ABCB5: variants seen among roughly 807,000 people sequenced by gnomAD.
The protein encoded by ABCB5 is ATP binding cassette subfamily B member 5, also known as ATP-binding cassette sub-family B member 5.
ABCB5 carries 155 observed loss-of-function variants against 144.2 expected under a neutral mutation model. The ratio of observed to expected loss-of-function variants is 1.08; its 90% CI spans 0.94 to 1.23. The LOEUF (loss-of-function observed/expected upper bound fraction) is 1.23. Among genes scored for constraint, ABCB5 ranks in the 50% most tolerant of loss-of-function variants. The pLI is 0.00. For synonymous variants in ABCB5, 610 were observed against 528.6 expected (o/e 1.15, Z -2.11); for missense variants, 1,830 against 1,520.8 (o/e 1.20, Z -3.38).
intron 25 of ABCB5, among the ~76,000 whole-genome samples, chr7:20,743,702 C>A (rs1782632007): frequency 6.6e-6 from 1 of 152,124 alleles, no homozygotes; most frequent in Admixed American, 6.6e-5. Context: ...AGCTTCCTGT[C>A]CTGCCTCCTG....
chr7:20,731,675 C>G (rs916373593), intron 23 of ABCB5, among the ~76,000 whole-genome samples: 2 of 152,174 alleles, frequency 1.3e-5, no homozygotes, highest in Non-Finnish European at 2.9e-5. Flanking sequence ...AGGTTATCTT[C>G]CCCAAGACTT....
intron 4 of ABCB5, among the ~76,000 whole-genome samples, chr7:20,630,412 G>A (rs920593056): frequency 1.3e-5 from 2 of 151,108 alleles, no homozygotes; most frequent in African/African-American, 4.9e-5. Context: ...AATCTTTAAA[G>A]CAAAAAAAAA....
rs750551408 is a variant in ABCB5 at position 20,750,417 on chromosome 7, CACAT to C, written c.3430-2941_3430-2938del. Among the ~76,000 whole-genome samples the C allele has an allele frequency of 4.1e-5, 6 of 144,638 alleles. No homozygotes were observed. In the South Asian group the frequency reaches 8.9e-4, roughly 21 times the overall value. The allele number at this position is 144,638 out of a possible 152,430, so 94.9% of individuals were successfully genotyped here. A position where few individuals can be genotyped will look rare whatever the true frequency, so the allele number is the denominator to read the frequency against. On this transcript the variant is annotated intron_variant, in intron 26 of 27. Transcript: ENST00000404938. ...ACACACACACACACACACACACACA[CACAT>C]ATACACACAAGCCACACACAAATTG...
rs369789135 is a variant in ABCB5, at chr7:20,651,411, G to A, written c.1333-9G>A. On this transcript the variant is annotated splice_polypyrimidine_tract_variant and intron_variant, in intron 12 of 27. Coordinates refer to ENST00000404938, the MANE Select transcript of ABCB5 (RefSeq NM_001163941.2). Reference sequence around the variant, plus strand: ...GCATCACAACATGGTTCATTCTTTGGATTGGCAGATCATGGTGGATGAGAA... The same window carrying A: ...GCATCACAACATGGTTCATTCTTTGAATTGGCAGATCATGGTGGATGAGAA... 4 of 1,613,786 alleles carry A rather than the reference G, an allele frequency of 2.5e-6. No homozygotes were observed. In the African/African-American group the frequency reaches 5.3e-5, roughly 22 times the overall value.
chr7:20,735,099 T>C (rs1302470371), intron 23 of ABCB5, among the ~76,000 whole-genome samples: 1 of 152,142 alleles, frequency 6.6e-6, no homozygotes, highest in Non-Finnish European at 1.5e-5. Context: ...TTTCTATCCA[T>C]ATTATCAAGA....
intron 7 of ABCB5, 60 bp downstream of exon 7, chr7:20,643,692 C>A (rs557737391): frequency 8.6e-5 from 135 of 1,574,260 alleles, no homozygotes; most frequent in Non-Finnish European, 1.1e-4. Context: ...AAATGACTCA[C>A]TGAGTTTGTT....
intron 14 of ABCB5, among the ~76,000 whole-genome samples, chr7:20,665,674 C>A (rs73280614): frequency 0.11 from 16,701 of 151,130 alleles, 953 homozygotes; most frequent in Non-Finnish European, 0.13. Context: ...AACTCCCCTG[C>A]CAATTCAAGC....
chr7:20,625,894 G>C (rs1783897862), intron 2 of ABCB5, among the ~76,000 whole-genome samples: 1 of 152,196 alleles, frequency 6.6e-6, no homozygotes. Flanking sequence ...TGTGGAAGCA[G>C]TCTAAGTGCT....
At chr7:20,621,071 G>T (rs1227880282) in intron 1 of ABCB5, among the ~76,000 whole-genome samples, 4 of 151,988 alleles carry the variant, frequency 2.6e-5, no homozygotes, top group Admixed American at 1.3e-4. Flanking sequence ...GCCTTAAAAA[G>T]GAATAAAATT....
chr7:20,726,618 TG>T (rs938508719), intron 21 of ABCB5, among the ~76,000 whole-genome samples: 2 of 152,156 alleles, frequency 1.3e-5, no homozygotes, highest in African/African-American at 4.8e-5. Context: ...CGGCCCGCCT[TG>T]GCCTCCCAAA....
intron 14 of ABCB5, among the ~76,000 whole-genome samples, chr7:20,670,296 G>C (rs2128035410): frequency 6.6e-6 from 1 of 151,594 alleles, no homozygotes; most frequent in East Asian, 1.9e-4. Context: ...TCATAGAAAT[G>C]TAAGATGTTA....
At chr7:20,737,804 T>C (rs1398452415) in intron 23 of ABCB5, among the ~76,000 whole-genome samples, 3 of 152,220 alleles carry the variant, frequency 2.0e-5, no homozygotes, top group African/African-American at 4.8e-5. Flanking sequence ...CCATTTCTGA[T>C]GTTTATAGCT....
At chr7:20,653,714 C>T (rs968848057) in intron 13 of ABCB5, among the ~76,000 whole-genome samples, 2 of 152,088 alleles carry the variant, frequency 1.3e-5, no homozygotes, top group Non-Finnish European at 2.9e-5. Flanking sequence ...TCACCTGTGG[C>T]GATGAGGCAG....
At chr7:20,727,288 C>A (rs1782067367) in intron 22 of ABCB5, 148 bp downstream of exon 22, 1 of 521,734 alleles carries the variant, frequency 1.9e-6, no homozygotes, top group Non-Finnish European at 3.3e-6. Context: ...TATGACTTCA[C>A]CAAGAGAAAC....
chr7:20,673,856 C>T (rs1313046061), intron 14 of ABCB5, among the ~76,000 whole-genome samples: 2 of 151,862 alleles, frequency 1.3e-5, no homozygotes, highest in Non-Finnish European at 2.9e-5. Flanking sequence ...TACTCATTTT[C>T]TGTCTTCATT....
chr7:20,655,409 G>C (rs1015998767), intron 13 of ABCB5, among the ~76,000 whole-genome samples: 6 of 152,122 alleles, frequency 3.9e-5, no homozygotes, highest in South Asian at 2.1e-4. Context: ...GGAGGCAAAG[G>C]TTGCAGTGAG....
chr7:20,625,876 A>G (rs1246737864), intron 2 of ABCB5, among the ~76,000 whole-genome samples: 3 of 152,270 alleles, frequency 2.0e-5, no homozygotes, highest in Admixed American at 6.5e-5. Flanking sequence ...TACTAGGAAT[A>G]GCCAAAATGT....
intron 14 of ABCB5, among the ~76,000 whole-genome samples, chr7:20,670,788 A>G (rs1785441394): frequency 6.6e-6 from 1 of 152,204 alleles, no homozygotes; most frequent in East Asian, 1.9e-4. Context: ...ACATGCCTGT[A>G]ATCCCAGCTA....
At position 20,698,854 on chromosome 7, in the gene ABCB5, A is replaced by T. The variant is rs180824708; in HGVS notation, c.2154+304A>T. Among the ~76,000 whole-genome samples, 10 of 152,340 alleles carry T rather than the reference A, an allele frequency of 6.6e-5. No homozygotes were observed. The East Asian group carries it at 1.9e-3, about 29-fold the overall frequency. On this transcript the variant is annotated intron_variant, in intron 17 of 27. Transcript: ENST00000404938. ...CTGAAGAAATAAAATAGGCAAATACAACTACTTTCCTTTCAATTAGTGGGT... is the reference window on the plus strand; with the variant it reads ...CTGAAGAAATAAAATAGGCAAATACTACTACTTTCCTTTCAATTAGTGGGT...
Sources: gnomAD v4.1 joint callset for allele counts (sites outside exome capture counted in the v4.1 genomes callset) on GRCh38, gnomAD v4.1.1 for gene constraint, MANE v1.5 for transcripts, NCBI Gene and HGNC (gene_info 2026-07-23, HGNC 2026-07-21) for gene names.